The following DNAH3 variants were observed in gnomAD, a reference collection of about 807,000 sequenced individuals.
DNAH3 encodes axonemal beta dynein heavy chain 3.
DNAH3 carries 332 observed loss-of-function variants against 432.5 expected under a neutral mutation model. The observed-to-expected ratio is 0.77, with a 90% CI of 0.70 to 0.84. The LOEUF (loss-of-function observed/expected upper bound fraction) is 0.84. DNAH3 is among the 40% of genes least tolerant of loss of function. The probability of loss-of-function intolerance (pLI) is 0.00; values close to 1 mark genes in which losing one functional copy is unlikely to be tolerated. For missense variants in DNAH3, 4,861 were observed against 5,114.0 expected (o/e 0.95, Z 1.51); for synonymous variants, 1,956 against 1,900.2 (o/e 1.03, Z -0.76).
intron 36 of DNAH3, 64 bp from the exon 37 acceptor site, chr16:21,031,350 A>G: frequency 6.3e-7 from 1 of 1,584,884 alleles, no homozygotes; most frequent in Non-Finnish European, 8.6e-7. Context: ...TAAACAAGAG[A>G]TGATGTCATC....
Position 21,019,575 on chromosome 16 carries a change from C to T in DNAH3, c.6022+49G>A, listed in dbSNP as rs3095922. 49 of 1,602,538 alleles carry T rather than the reference C, an allele frequency of 3.1e-5. No individual in the cohort carries two copies. The East Asian group carries it at 4.2e-4, about 14-fold the overall frequency. On this transcript the variant is annotated intron_variant, in intron 41 of 61. Coordinates refer to ENST00000261383, the Ensembl canonical transcript of DNAH3. ...GCACATTCTGGTTGTGTTTAGAACA[C>T]GTAATTCCAACTATTATACTAGAAC...
chr16:21,037,722 A>AG, intron 34 of DNAH3, 39 bp downstream of exon 34: 1 of 1,562,416 alleles, frequency 6.4e-7, no homozygotes. Flanking sequence ...TCCAACATTG[A>AG]GCCTTGGTCC....
At chr16:21,031,202 T>G in exon 37 of DNAH3, 1 of 1,614,104 alleles carries the variant, frequency 6.2e-7, no homozygotes. Context: ...GCTCACTTGG[T>G]CAAAGCACCC....
chr16:20,955,450 C>T (rs1236338772), intron 54 of DNAH3, among the ~76,000 whole-genome samples: 5 of 151,516 alleles, frequency 3.3e-5, no homozygotes, highest in Non-Finnish European at 5.9e-5. Flanking sequence ...CTCTCTGACT[C>T]CAAAGCTCCT....
intron 41 of DNAH3, among the ~76,000 whole-genome samples, chr16:21,012,955 G>A (rs978752328): frequency 6.6e-6 from 1 of 151,854 alleles, no homozygotes; most frequent in African/African-American, 2.4e-5. Context: ...TTGTAAAGAC[G>A]GGATTTTGAC....
chr16:21,004,940 T>G (rs992326537), intron 41 of DNAH3, among the ~76,000 whole-genome samples: 2 of 152,198 alleles, frequency 1.3e-5, no homozygotes, highest in Non-Finnish European at 2.9e-5. Flanking sequence ...TAACTTTCAC[T>G]TTGTCAGGGT....
chr16:21,056,541 G>C (rs982878076), intron 27 of DNAH3, among the ~76,000 whole-genome samples: 1 of 152,218 alleles, frequency 6.6e-6, no homozygotes, highest in East Asian at 1.9e-4. Flanking sequence ...AATCCATGAG[G>C]AGAGGGACTA....
At chr16:21,024,537 C>T (rs2088435264) in intron 39 of DNAH3, 59 bp downstream of exon 39, 2 of 1,283,500 alleles carry the variant, frequency 1.6e-6, no homozygotes, top group African/African-American at 1.5e-5. Flanking sequence ...CCTAGAAGAC[C>T]CTCGAGATGA....
At chr16:21,030,038 C>T (rs1193446121) in intron 37 of DNAH3, among the ~76,000 whole-genome samples, 1 of 152,052 alleles carries the variant, frequency 6.6e-6, no homozygotes, top group Non-Finnish European at 1.5e-5. Flanking sequence ...GTTGCTCAAA[C>T]TGGTCTTGAA....
intron 47 of DNAH3, among the ~76,000 whole-genome samples, chr16:20,986,233 G>C (rs141764545): frequency 6.6e-6 from 1 of 151,750 alleles, no homozygotes; most frequent in South Asian, 2.1e-4. Flanking sequence ...TGCTGGGCAC[G>C]GTGGCTCATG....
rs2085964510 is a variant in DNAH3, at chr16:20,982,647, A to G, written c.7859+74T>C. The G allele has an allele frequency of 6.1e-6, 8 of 1,305,902 alleles. No homozygotes were observed. In the South Asian group the frequency reaches 7.5e-5, roughly 12 times the overall value. The allele number at this position is 1,305,902 out of a possible 1,614,324, so 80.9% of individuals were successfully genotyped here. ...TACAAATTGAGAAATCTTCAAAACA[A>G]CAACAAAAATAGAGCCAGCGTCTGG... On this transcript the variant is annotated intron_variant, in intron 49 of 61. Coordinates refer to ENST00000261383, the Ensembl canonical transcript of DNAH3.
At chr16:20,951,738 A>ATTTTTT (rs869256566) in intron 56 of DNAH3, among the ~76,000 whole-genome samples, 6 of 73,462 alleles carry the variant, frequency 8.2e-5, no homozygotes, top group African/African-American at 1.1e-4. Flanking sequence ...CCTGGCCCGT[A>ATTTTTT]TTTTTTTTTT....
chr16:20,997,054 C>T, intron 44 of DNAH3: 1 of 478,734 alleles, frequency 2.1e-6, no homozygotes, highest in Admixed American at 3.3e-5. Context: ...ATGAGACTCT[C>T]TGTTTCTCTA....
At chr16:21,153,144 G>A (rs575088660) in intron 1 of DNAH3, among the ~76,000 whole-genome samples, 15 of 152,258 alleles carry the variant, frequency 9.9e-5, no homozygotes, top group African/African-American at 3.6e-4. Flanking sequence ...TCTAACTCAG[G>A]GTTTGTGAAT....
At chr16:21,079,474 T>C (rs2091100178) in intron 20 of DNAH3, among the ~76,000 whole-genome samples, 1 of 151,906 alleles carries the variant, frequency 6.6e-6, no homozygotes, top group Non-Finnish European at 1.5e-5. Context: ...AATACAAAAA[T>C]TAGCCAGGCA....
At chr16:21,037,626 G>T in intron 34 of DNAH3, 135 bp downstream of exon 34, 3 of 671,912 alleles carry the variant, frequency 4.5e-6, no homozygotes, top group Non-Finnish European at 5.2e-6. Flanking sequence ...ACATTTGCAG[G>T]GAGGGTATCA....
chr16:21,083,657 G>A (rs112180647), intron 19 of DNAH3, among the ~76,000 whole-genome samples: 110 of 152,288 alleles, frequency 7.2e-4, no homozygotes, highest in African/African-American at 2.6e-3. Flanking sequence ...CCTTGCTTCA[G>A]AAGATCCAGC....
chr16:21,045,317 A>G (rs1370084174), intron 31 of DNAH3, among the ~76,000 whole-genome samples: 1 of 151,122 alleles, frequency 6.6e-6, no homozygotes, highest in African/African-American at 2.4e-5. Context: ...ACTCTTTTTG[A>G]TTGGTAAGCT....
intron 51 of DNAH3, among the ~76,000 whole-genome samples, chr16:20,974,196 A>T (rs958643052): frequency 4.6e-5 from 7 of 150,926 alleles, no homozygotes; most frequent in African/African-American, 1.7e-4. Flanking sequence ...ATTTTTTTTT[A>T]CATTTTTTGT....
Sources: allele counts gnomAD v4.1 joint callset (sites outside exome capture counted in the v4.1 genomes callset), GRCh38; gene constraint gnomAD v4.1.1; transcripts MANE v1.5; gene names NCBI Gene and HGNC (gene_info 2026-07-23, HGNC 2026-07-21).